PCDHGA3: variants seen among roughly 807,000 people sequenced by gnomAD.
PCDHGA3 encodes protocadherin gamma-A3.
PCDHGA3 carries 40 observed loss-of-function variants against 58.5 expected under a neutral mutation model. The observed-to-expected ratio is 0.68, with a 90% confidence interval of 0.53 to 0.89. PCDHGA3 has a LOEUF of 0.89. Among genes scored for constraint, PCDHGA3 ranks in the 40% least tolerant of loss-of-function variants. The pLI is 0.00. For synonymous variants in PCDHGA3, 530 were observed against 525.7 expected, an observed-to-expected ratio of 1.01 and a Z score of -0.11; for missense variants, 1,223 against 1,195.9, an observed-to-expected ratio of 1.02 and a Z score of -0.33.
intron 1 of PCDHGA3, chr5:141,413,768 TG>T (rs1158107882): frequency 2.5e-6 from 4 of 1,613,132 alleles, no homozygotes; most frequent in Non-Finnish European, 3.4e-6. Context: ...TACCCGGAGC[TG>T]GTACTGGAGC....
intron 2 of PCDHGA3, among the ~76,000 whole-genome samples, chr5:141,496,353 C>T (rs761547879): frequency 4.6e-5 from 7 of 152,210 alleles, no homozygotes; most frequent in Non-Finnish European, 8.8e-5. Context: ...AGTCTCAGAG[C>T]CCAGGGAGAG....
chr5:141,441,852 G>T (rs1169073404), intron 1 of PCDHGA3: 2 of 352,708 alleles, frequency 5.7e-6, no homozygotes, highest in African/African-American at 2.2e-5. Flanking sequence ...TGGATATGGT[G>T]CTGCACGCCG....
At chr5:141,365,532 A>G in intron 1 of PCDHGA3, 1 of 1,613,862 alleles carries the variant, frequency 6.2e-7, no homozygotes, top group Non-Finnish European at 8.5e-7. Context: ...GTTGATAATT[A>G]CTATCACCTA....
At chr5:141,397,267 A>G (rs1411112086) in intron 1 of PCDHGA3, among the ~76,000 whole-genome samples, 1 of 152,230 alleles carries the variant, frequency 6.6e-6, no homozygotes, top group East Asian at 1.9e-4. Flanking sequence ...TCTTAGCTAC[A>G]TCATATGGGC....
At chr5:141,501,319 A>G (rs2099807834) in intron 2 of PCDHGA3, among the ~76,000 whole-genome samples, 1 of 151,710 alleles carries the variant, frequency 6.6e-6, no homozygotes, top group Non-Finnish European at 1.5e-5. Context: ...ACACACACAC[A>G]CACACACACA....
intron 1 of PCDHGA3, chr5:141,398,074 T>A: frequency 6.3e-7 from 1 of 1,590,802 alleles, no homozygotes; most frequent in Non-Finnish European, 8.6e-7. Context: ...ATACAGAGGT[T>A]ATTTGTAACC....
chr5:141,345,465 G>A lies in PCDHGA3; in HGVS notation c.1432G>A (p.Asp478Asn). 1 of 1,614,000 alleles carries A rather than the reference G, an allele frequency of 6.2e-7. No individual in the cohort carries two copies. The highest frequency in any genetic ancestry group is 1.3e-5 in the African/African-American group (1 of 74,962). ...GASIFSVTAQ[D>N]PDSNNNARIT... ...CTCCATCTTCTCAGTGACAGCCCAG[G>A]ACCCAGATAGCAACAACAACGCCCG... Residue 478 changes from aspartate (D) to asparagine (N), a missense_variant, in exon 1 of 4, where the codon GAC becomes AAC. By Grantham distance (23) the Asp-to-Asn change is conservative (BLOSUM62 1). Transcript: ENST00000253812.
chr5:141,481,691 C>G (rs929210528), intron 1 of PCDHGA3, among the ~76,000 whole-genome samples: 3 of 152,080 alleles, frequency 2.0e-5, no homozygotes, highest in African/African-American at 4.8e-5. Context: ...TGGTGGCTCA[C>G]GCCTGTAATC....
In PCDHGA3 at chr5:141,491,696, G is replaced by A; in HGVS notation, c.2425-3111G>A. The A allele has an allele frequency of 6.2e-7, 1 of 1,612,390 alleles. No individual in the cohort carries two copies. The highest frequency in any genetic ancestry group is 8.5e-7 in the Non-Finnish European group (1 of 1,179,286). ...CGCTCTAATACGCTGCGGGAGCGGA[G>A]CCAGGTGAGGGGCTCGGCGCCGCCC... On this transcript the variant is annotated intron_variant, in intron 1 of 3. Coordinates refer to ENST00000253812, the MANE Select transcript of PCDHGA3 (RefSeq NM_018916.4). This position sits in a 1 kb window ranked among gnomAD's most constrained non-coding sequence, Gnocchi z 6.9.
Position 141,383,013 on chromosome 5 carries a change from G to A in PCDHGA3, c.2424+36556G>A, listed in dbSNP as rs1209966350. Reference sequence around the variant, plus strand: ...GTATTCTCTACTCCGTGTCGGAGGAGACGGACAAAGGGTCCTTTGTGGGAG... The same window carrying A: ...GTATTCTCTACTCCGTGTCGGAGGAAACGGACAAAGGGTCCTTTGTGGGAG... On this transcript the variant is annotated intron_variant, in intron 1 of 3. Coordinates refer to ENST00000253812, the MANE Select transcript of PCDHGA3 (RefSeq NM_018916.4). 6 of 1,613,828 alleles carry A rather than the reference G, an allele frequency of 3.7e-6. No individual in the cohort carries two copies. The East Asian group carries it at 6.7e-5, about 18-fold the overall frequency.
intron 1 of PCDHGA3, among the ~76,000 whole-genome samples, chr5:141,463,999 C>A (rs1261262637): frequency 1.3e-5 from 2 of 152,056 alleles, no homozygotes; most frequent in African/African-American, 4.8e-5. Flanking sequence ...GGTGCAGTGG[C>A]TCATGCTTGT....
intron 1 of PCDHGA3, chr5:141,408,972 CT>C (rs1404896464): frequency 6.2e-7 from 1 of 1,613,870 alleles, no homozygotes; most frequent in Middle Eastern, 1.6e-4. Flanking sequence ...AATCTGCCCC[CT>C]GGGTCCCCTG....
At chr5:141,351,646 A>ACCTGGCG in intron 1 of PCDHGA3, 1 of 1,613,926 alleles carries the variant, frequency 6.2e-7, no homozygotes, top group Non-Finnish European at 8.5e-7. Context: ...AGAACAACCC[A>ACCTGGCG]CCTGGCGCCT....
Position 141,432,970 on chromosome 5 carries a change from G to C in PCDHGA3, c.2425-61837G>C, listed in dbSNP as rs371130763. On this transcript the variant is annotated intron_variant, in intron 1 of 3. Transcript: ENST00000253812. This position sits in a 1 kb window ranked among gnomAD's most constrained non-coding sequence, Gnocchi z 6.0. ...GAGGCGGCTTGACAGGAGCGCCGGC[G>C]TCGCACTTTGTGGGCGTGGACGGGG... is the stretch of plus-strand genomic sequence containing the variant. 25 of 1,614,114 alleles carry C rather than the reference G, an allele frequency of 1.5e-5. No individual in the cohort carries two copies. Among genetic ancestry groups the C allele is most frequent in the African/African-American group, 1.1e-4 (8 of 75,054 alleles).
At chr5:141,375,093 T>G (rs1394979484) in intron 1 of PCDHGA3, 18 of 1,613,962 alleles carry the variant, frequency 1.1e-5, no homozygotes, top group Non-Finnish European at 1.4e-5. Flanking sequence ...TTAATAACTA[T>G]CTTGGATGTC....
intron 1 of PCDHGA3, among the ~76,000 whole-genome samples, chr5:141,461,001 A>C (rs1309762345): frequency 6.7e-6 from 1 of 150,320 alleles, no homozygotes; most frequent in Admixed American, 6.7e-5. Context: ...ATATATGTGT[A>C]TATATATATA....
At chr5:141,406,908 A>G (rs1256233458) in intron 1 of PCDHGA3, among the ~76,000 whole-genome samples, 2 of 152,204 alleles carry the variant, frequency 1.3e-5, no homozygotes, top group Non-Finnish European at 2.9e-5. Flanking sequence ...GTTTTTAGCT[A>G]TAAGGAAGAG....
rs776389282 is a variant in PCDHGA3 at position 141,345,873 on chromosome 5, C to T, written c.1840C>T (p.Pro614Ser). The change falls in exon 1 of 4, where the codon CCG becomes TCG. Residue 614 changes from proline (P) to serine (S), a missense_variant. This residue lies in a region of PCDHGA3 where 107 missense variants were observed against 159.8 expected (regional missense o/e 0.67). Transcript: ENST00000253812. The stretch of plus-strand genomic sequence containing the variant: ...CTACCGCCTGCTCAAGGCCAGCGAG[C>T]CGGGACTCTTCTCGGTGGGTCTGCA... ...LSYRLLKASEPGLFSVGLHTG... is the reference protein window; with the variant it reads ...LSYRLLKASESGLFSVGLHTG... 3 of 1,613,462 alleles carry T rather than the reference C, an allele frequency of 1.9e-6. No homozygotes were observed. The highest frequency in any genetic ancestry group is 8.5e-7 in the Non-Finnish European group (1 of 1,179,908).
At chr5:141,428,058 G>A (rs752468507) in intron 1 of PCDHGA3, 4 of 1,609,140 alleles carry the variant, frequency 2.5e-6, no homozygotes, top group South Asian at 1.1e-5. Flanking sequence ...GGTGGTGGCG[G>A]TGGACGCAGA....
Sources: gnomAD v4.1 joint callset for allele counts (sites outside exome capture counted in the v4.1 genomes callset) on GRCh38, gnomAD v4.1.1 for gene constraint, gnomAD v4.1.1 regional missense constraint, Gnocchi (gnomAD v3.1) non-coding constraint, MANE v1.5 for transcripts, NCBI Gene and HGNC (gene_info 2026-07-23, HGNC 2026-07-21) for gene names.